TUB: variants seen among roughly 807,000 people sequenced by gnomAD.
The protein encoded by TUB is tubby protein homolog.
Under a neutral mutation model 59.7 loss-of-function variants are expected in TUB, and 33 were observed. That is an observed-to-expected ratio of 0.55 (90% CI 0.42 to 0.74). The LOEUF (loss-of-function observed/expected upper bound fraction) is 0.74. Among genes scored for constraint, TUB ranks in the 30% least tolerant of loss-of-function variants. The probability of loss-of-function intolerance (pLI) is 0.00; values close to 1 mark genes in which losing one functional copy is unlikely to be tolerated. For synonymous variants in TUB, 293 were observed against 256.4 expected, an observed-to-expected ratio of 1.14 and a Z score of -1.36; for missense variants, 659 against 672.0, an observed-to-expected ratio of 0.98 and a Z score of 0.21.
Position 8,097,435 on chromosome 11 carries a change from G to A in TUB, c.885+10G>A. The A allele has an allele frequency of 6.2e-7, 1 of 1,614,208 alleles. No individual in the cohort carries two copies. Among genetic ancestry groups the A allele is most frequent in the Non-Finnish European group, 8.5e-7 (1 of 1,180,030 alleles). ...TGAGGATGGGAAGAAGGTAAGGTTG[G>A]TCTGGGCATGTTATCATCTAGGCTT... is the stretch of plus-strand genomic sequence containing the variant. On this transcript the variant is annotated intron_variant, in intron 7 of 11. Coordinates refer to ENST00000299506, the MANE Select transcript of TUB (RefSeq NM_177972.3).
chr11:8,044,851 T>C (rs985163838), intron 2 of TUB, among the ~76,000 whole-genome samples: 6 of 152,188 alleles, frequency 3.9e-5, no homozygotes, highest in South Asian at 2.1e-4. Context: ...CTTTACTGAT[T>C]TATTATAAAG....
At chr11:8,081,206 G>C (rs1943552343), upstream of TUB, among the ~76,000 whole-genome samples, 3 of 151,538 alleles carry the variant, frequency 2.0e-5, no homozygotes, top group Admixed American at 2.0e-4. Flanking sequence ...CCGCTGCCAC[G>C]CAGTACTCCC....
intron 2 of TUB, among the ~76,000 whole-genome samples, chr11:8,059,714 G>A (rs929308575): frequency 6.6e-6 from 1 of 152,158 alleles, no homozygotes; most frequent in Non-Finnish European, 1.5e-5. Context: ...TCAGGGGGCA[G>A]GTCCTGCAGC....
intron 2 of TUB, among the ~76,000 whole-genome samples, chr11:8,059,768 G>A (rs565754275): frequency 4.9e-4 from 74 of 152,256 alleles, no homozygotes; most frequent in African/African-American, 1.6e-3. Flanking sequence ...CCTTTGGAAC[G>A]AGGAGCAGTG....
rs2133889581 is a variant in TUB at position 8,098,773 on chromosome 11, C to T, written c.1014C>T (p.Gly338=). The T allele has an allele frequency of 1.9e-6, 3 of 1,613,876 alleles. No homozygotes were observed. Among genetic ancestry groups the T allele is most frequent in the Non-Finnish European group, 2.5e-6 (3 of 1,179,884 alleles). Residue 338 remains glycine, a synonymous_variant, in exon 9 of 12, where the codon GGC becomes GGT. Coordinates refer to ENST00000299506, the MANE Select transcript of TUB (RefSeq NM_177972.3). ...TTTATTTCAGGTCCAACTTGATGGGCACCAAGTTCACTGTTTATGACAATG... is the reference window on the plus strand; with the variant it reads ...TTTATTTCAGGTCCAACTTGATGGGTACCAAGTTCACTGTTTATGACAATG... ...YIGKLRSNLM[G]TKFTVYDNGV...
At chr11:8,030,196 G>T (rs909902423) in intron 1 of TUB, among the ~76,000 whole-genome samples, 3 of 152,136 alleles carry the variant, frequency 2.0e-5, no homozygotes, top group African/African-American at 7.2e-5. Flanking sequence ...TTCCAGATAG[G>T]GTCACTGGAT....
chr11:8,056,770 T>C (rs1048420656), intron 2 of TUB, among the ~76,000 whole-genome samples: 5 of 151,670 alleles, frequency 3.3e-5, no homozygotes, highest in Non-Finnish European at 5.9e-5. Flanking sequence ...TGGGGTGACA[T>C]GTTGTTGTGT....
At chr11:8,092,210 G>A (rs924338748) in intron 3 of TUB, among the ~76,000 whole-genome samples, 52 of 152,196 alleles carry the variant, frequency 3.4e-4, no homozygotes, top group African/African-American at 1.2e-3. Flanking sequence ...GGGAGGCCAA[G>A]GCAGGAGGAT....
chr11:8,079,617 C>T (rs1261014240), upstream of TUB, among the ~76,000 whole-genome samples: 2 of 152,034 alleles, frequency 1.3e-5, no homozygotes, highest in South Asian at 2.1e-4. Flanking sequence ...TCTGACCTGT[C>T]CTGAGCTCCA....
chr11:8,089,845 C>T (rs1411623101), intron 2 of TUB, among the ~76,000 whole-genome samples, 184 bp downstream of exon 2: 1 of 152,272 alleles, frequency 6.6e-6, no homozygotes, highest in Non-Finnish European at 1.5e-5. Flanking sequence ...ACATGGGCTC[C>T]TGCCTTCAGG....
At chr11:8,062,876 A>ACACT (rs1943160750) in intron 2 of TUB, among the ~76,000 whole-genome samples, 1 of 152,072 alleles carries the variant, frequency 6.6e-6, no homozygotes, top group South Asian at 2.1e-4. Context: ...GCCACCTTAG[A>ACACT]CACTCAGACG....
At chr11:8,043,524 C>T (rs962312801) in intron 2 of TUB, among the ~76,000 whole-genome samples, 1 of 152,166 alleles carries the variant, frequency 6.6e-6, no homozygotes, top group Non-Finnish European at 1.5e-5. Context: ...GTATTGCCAT[C>T]TTAATAGTAT....
At chr11:8,090,668 T>C (rs1442744445) in intron 3 of TUB, among the ~76,000 whole-genome samples, 1 of 152,224 alleles carries the variant, frequency 6.6e-6, no homozygotes, top group Non-Finnish European at 1.5e-5. Context: ...GCACCGTGTC[T>C]GCCTGGCTTC....
At chr11:8,082,833 T>A (rs1943596213) in intron 1 of TUB, among the ~76,000 whole-genome samples, 2 of 152,210 alleles carry the variant, frequency 1.3e-5, no homozygotes, top group Admixed American at 1.3e-4. Context: ...TTACCTCTAA[T>A]CTCAGCTCCT....
intron 11 of TUB, 43 bp downstream of exon 11, chr11:8,101,040 CAA>C (rs764699923): frequency 1.1e-5 from 18 of 1,610,048 alleles, no homozygotes; most frequent in Non-Finnish European, 1.5e-5. Context: ...GTAGGATACC[CAA>C]GGCCCTTAGC....
At chr11:8,049,580 TAGATAGATAG>T (rs149386243) in intron 2 of TUB, among the ~76,000 whole-genome samples, 19 of 69,184 alleles carry the variant, frequency 2.7e-4, no homozygotes, top group East Asian at 9.1e-4. Flanking sequence ...TATATATATA[TAGATAGATAG>T]ATAGATAGAT....
chr11:8,061,058 C>T (rs551160458), intron 2 of TUB, among the ~76,000 whole-genome samples: 1 of 152,346 alleles, frequency 6.6e-6, no homozygotes, highest in South Asian at 2.1e-4. Flanking sequence ...ATGGTGGGGC[C>T]TGTGTGGCCC....
In TUB at chr11:8,082,574, C is replaced by A. The variant is rs544559156; in HGVS notation, c.38+1026C>A. 1.2e-4 allele frequency among the ~76,000 whole-genome samples: 19 copies of A among 152,296 alleles called. No homozygotes were observed. The East Asian group carries it at 3.7e-3, about 29-fold the overall frequency. On this transcript the variant is annotated intron_variant, in intron 1 of 11. Transcript: ENST00000299506. ...CTCCTAAGGCCCACTGTGTTATTGT[C>A]GACCCAGGTGCACGTGCTAGCGGAC...
At chr11:8,057,368 A>T (rs1943036923) in intron 2 of TUB, among the ~76,000 whole-genome samples, 1 of 152,094 alleles carries the variant, frequency 6.6e-6, no homozygotes, top group Admixed American at 6.5e-5. Flanking sequence ...ACTGGGAGAG[A>T]GGGGAGTTTT....
Sources: allele counts gnomAD v4.1 joint callset (sites outside exome capture counted in the v4.1 genomes callset), GRCh38; gene constraint gnomAD v4.1.1; transcripts MANE v1.5; gene names NCBI Gene and HGNC (gene_info 2026-07-23, HGNC 2026-07-21).